DCC: variants seen among roughly 807,000 people sequenced by gnomAD.
DCC encodes DCC netrin 1 receptor.
A neutral mutation model predicts 172.5 loss-of-function variants in DCC; 58 were observed. The ratio of observed to expected loss-of-function variants is 0.34; its 90% CI spans 0.27 to 0.42. DCC has a LOEUF of 0.42. Ranked by LOEUF, DCC falls within the 10% of genes least tolerant of loss-of-function variation. The probability of loss-of-function intolerance (pLI) is 1.00; values close to 1 mark genes in which losing one functional copy is unlikely to be tolerated. For synonymous variants in DCC, 709 were observed against 644.5 expected (o/e 1.10, Z -1.52); for missense variants, 1,740 against 1,791.0 (o/e 0.97, Z 0.51).
chr18:53,351,813 T>C (rs1307146751), intron 15 of DCC, among the ~76,000 whole-genome samples: 1 of 151,904 alleles, frequency 6.6e-6, no homozygotes, highest in Non-Finnish European at 1.5e-5. Context: ...AGCAACTTGC[T>C]GTGTTTCTTC....
intron 1 of DCC, among the ~76,000 whole-genome samples, chr18:52,536,406 A>G (rs1003827276): frequency 1.3e-5 from 2 of 152,162 alleles, no homozygotes; most frequent in Middle Eastern, 3.4e-3. Context: ...AATTTCTTCC[A>G]AAAAAGGACT....
chr18:52,524,033 C>T (rs66677445), intron 1 of DCC, among the ~76,000 whole-genome samples: 19,957 of 152,080 alleles, frequency 0.13, 1,449 homozygotes, highest in South Asian at 0.22. Flanking sequence ...TGTCATCAGA[C>T]GTAAATGTGG....
intron 5 of DCC, among the ~76,000 whole-genome samples, chr18:53,027,733 C>G (rs1472323558): frequency 6.6e-6 from 1 of 152,118 alleles, no homozygotes; most frequent in Middle Eastern, 3.2e-3. Context: ...TACTTTCCCT[C>G]ACTTCCAGCC....
At chr18:52,485,647 C>T (rs183264884) in intron 1 of DCC, among the ~76,000 whole-genome samples, 35 of 151,996 alleles carry the variant, frequency 2.3e-4, no homozygotes, top group Admixed American at 2.0e-4. Flanking sequence ...CTGTTGTACA[C>T]GTATTATGAG....
intron 5 of DCC, among the ~76,000 whole-genome samples, chr18:53,030,846 A>G (rs1257770629): frequency 2.0e-5 from 3 of 152,174 alleles, no homozygotes; most frequent in Admixed American, 2.0e-4. Flanking sequence ...TGAAATACAT[A>G]TACCTGCACA....
intron 1 of DCC, among the ~76,000 whole-genome samples, chr18:52,727,336 C>T (rs531255563): frequency 6.6e-6 from 1 of 152,154 alleles, no homozygotes; most frequent in East Asian, 1.9e-4. Context: ...TTTTCTGAGA[C>T]CATTCTGGGC....
chr18:52,628,166 A>G (rs938914779), intron 1 of DCC, among the ~76,000 whole-genome samples: 3 of 152,168 alleles, frequency 2.0e-5, no homozygotes, highest in Non-Finnish European at 4.4e-5. Flanking sequence ...ATTTTTCCTA[A>G]ATTAGAGCAT....
intron 12 of DCC, among the ~76,000 whole-genome samples, chr18:53,231,989 A>G (rs1235139045): frequency 6.6e-6 from 1 of 152,002 alleles, no homozygotes; most frequent in Non-Finnish European, 1.5e-5. Flanking sequence ...TGACAGGGAT[A>G]TTTTTGTCTT....
intron 27 of DCC, among the ~76,000 whole-genome samples, chr18:53,502,533 A>C (rs2144474542): frequency 6.6e-6 from 1 of 152,340 alleles, no homozygotes; most frequent in East Asian, 1.9e-4. Context: ...TGAAATACTT[A>C]GAGCTTTCAA....
At chr18:53,181,675 C>T (rs1370002750) in intron 9 of DCC, among the ~76,000 whole-genome samples, 1 of 152,020 alleles carries the variant, frequency 6.6e-6, no homozygotes, top group Non-Finnish European at 1.5e-5. Flanking sequence ...TTATTATGTT[C>T]CTAACACTGT....
At chr18:53,465,224 T>A (rs1041300973) in intron 24 of DCC, among the ~76,000 whole-genome samples, 8 of 151,886 alleles carry the variant, frequency 5.3e-5, no homozygotes, top group Non-Finnish European at 8.8e-5. Flanking sequence ...CTACTTCCTG[T>A]TTAGAGAAAT....
intron 1 of DCC, among the ~76,000 whole-genome samples, chr18:52,669,033 C>T (rs1030551655): frequency 6.6e-6 from 1 of 152,180 alleles, no homozygotes; most frequent in African/African-American, 2.4e-5. Context: ...TTACTCAAAT[C>T]AGTCTCCCGG....
At chr18:52,742,092 CAAGAA>C (rs2036830685) in intron 1 of DCC, among the ~76,000 whole-genome samples, 1 of 152,112 alleles carries the variant, frequency 6.6e-6, no homozygotes, top group Non-Finnish European at 1.5e-5. Context: ...ACTTACTGGC[CAAGAA>C]AAGAGGCCTG....
In DCC at chr18:52,925,257, G is replaced by A. The variant is rs773575389; in HGVS notation, c.872G>A (p.Gly291Asp). 3.7e-6 allele frequency: 6 copies of A among 1,612,458 alleles called. No individual in the cohort carries two copies. Among genetic ancestry groups the A allele is most frequent in the Non-Finnish European group, 4.2e-6 (5 of 1,178,780 alleles). Residue 291 changes from glycine to aspartate, a missense_variant, in exon 5 of 29, where the codon GGT (glycine) becomes GAT (aspartate). Coordinates refer to ENST00000442544, the MANE Select transcript of DCC (RefSeq NM_005215.4). ...AGGTCTAAAAAGTATTCTTTATTGGGTGGAAGCAACTTGCTTATCTCCAAT... is the reference window on the plus strand; with the variant it reads ...AGGTCTAAAAAGTATTCTTTATTGGATGGAAGCAACTTGCTTATCTCCAAT... ...QLRSKKYSLL[G>D]GSNLLISNVT...
chr18:52,448,762 G>T (rs1988209405), intron 1 of DCC, among the ~76,000 whole-genome samples: 1 of 152,204 alleles, frequency 6.6e-6, no homozygotes, highest in Non-Finnish European at 1.5e-5. Flanking sequence ...TCTGAATGGA[G>T]TGAGTAACAC....
chr18:53,499,796 G>A (rs577315173), intron 27 of DCC, among the ~76,000 whole-genome samples: 9 of 152,272 alleles, frequency 5.9e-5, no homozygotes, highest in African/African-American at 2.2e-4. Flanking sequence ...GCTTGCTAGA[G>A]AATACTGGAA....
At chr18:52,499,108 A>G (rs1359774786) in intron 1 of DCC, among the ~76,000 whole-genome samples, 2 of 152,116 alleles carry the variant, frequency 1.3e-5, no homozygotes, top group Non-Finnish European at 2.9e-5. Flanking sequence ...GGCCTTATAC[A>G]TTTATGACAG....
At chr18:53,195,724 C>T in intron 9 of DCC, among the ~76,000 whole-genome samples, 1 of 151,926 alleles carries the variant, frequency 6.6e-6, no homozygotes, top group Admixed American at 6.6e-5. Context: ...CTTCATTCAT[C>T]CATCTATGCA....
chr18:52,947,301 C>T (rs1305089006), intron 5 of DCC, among the ~76,000 whole-genome samples: 1 of 152,086 alleles, frequency 6.6e-6, no homozygotes, highest in Non-Finnish European at 1.5e-5. Context: ...GAAAAGTTTG[C>T]ATTTTTTCTT....
Sources: gnomAD v4.1 joint callset for allele counts (sites outside exome capture counted in the v4.1 genomes callset) on GRCh38, gnomAD v4.1.1 for gene constraint, MANE v1.5 for transcripts, NCBI Gene and HGNC (gene_info 2026-07-23, HGNC 2026-07-21) for gene names.